Variants in IKZF2 observed in about 807,000 individuals in gnomAD.
IKZF2 encodes the protein zinc finger protein Helios.
Under a neutral mutation model 49.2 loss-of-function variants are expected in IKZF2, and 15 were observed. The ratio of observed to expected loss-of-function variants is 0.30; its 90% CI spans 0.20 to 0.47. The LOEUF is 0.47. IKZF2 is among the 20% of genes least tolerant of loss of function. IKZF2 has a pLI of 1.00. For synonymous variants in IKZF2, 227 were observed against 221.4 expected (o/e 1.03, Z -0.23); for missense variants, 567 against 664.6 (o/e 0.85, Z 1.61).
chr2:213,054,223 G>A (rs1186151885), intron 5 of IKZF2, among the ~76,000 whole-genome samples: 5 of 151,918 alleles, frequency 3.3e-5, no homozygotes, highest in Admixed American at 2.0e-4. Context: ...CAGCCTGGGC[G>A]ACAGAGCAAG....
At chr2:213,079,634 A>C (rs1703713913) in intron 4 of IKZF2, among the ~76,000 whole-genome samples, 1 of 152,194 alleles carries the variant, frequency 6.6e-6, no homozygotes, top group Non-Finnish European at 1.5e-5. Flanking sequence ...GTATACTACC[A>C]AGAGAGAAAG....
At chr2:213,093,393 C>T (rs1382574299) in intron 4 of IKZF2, among the ~76,000 whole-genome samples, 1 of 152,086 alleles carries the variant, frequency 6.6e-6, no homozygotes, top group Admixed American at 6.6e-5. Context: ...TGCTGCGGGG[C>T]CTTTGCACAT....
chr2:213,147,668 A>G, intron 4 of IKZF2, 40 bp downstream of exon 4: 1 of 1,410,194 alleles, frequency 7.1e-7, no homozygotes, highest in Non-Finnish European at 1.0e-6. Context: ...TGCTGGAGAG[A>G]CACACACACA....
intron 4 of IKZF2, among the ~76,000 whole-genome samples, chr2:213,136,623 G>A (rs2060686379): frequency 6.6e-6 from 1 of 151,844 alleles, no homozygotes; most frequent in Non-Finnish European, 1.5e-5. Context: ...TCAGTTTTCT[G>A]GCTCCATACT....
chr2:213,077,710 C>T (rs998079625), intron 4 of IKZF2, among the ~76,000 whole-genome samples: 3 of 151,326 alleles, frequency 2.0e-5, no homozygotes, highest in Non-Finnish European at 4.4e-5. Flanking sequence ...GCCCCAGCCT[C>T]CCAAGTAGCT....
intron 6 of IKZF2, among the ~76,000 whole-genome samples, chr2:213,030,256 C>G (rs968791403): frequency 6.6e-6 from 1 of 151,620 alleles, no homozygotes; most frequent in African/African-American, 2.4e-5. Context: ...TAGAAATATC[C>G]ACACCTACTT....
chr2:213,026,280 C>T (rs1697811988), intron 6 of IKZF2, among the ~76,000 whole-genome samples: 1 of 152,092 alleles, frequency 6.6e-6, no homozygotes, highest in South Asian at 2.1e-4. Flanking sequence ...TCCATTTTAA[C>T]GTGATCTTTC....
intron 6 of IKZF2, among the ~76,000 whole-genome samples, chr2:213,035,714 A>T (rs984029538): frequency 4.6e-5 from 7 of 152,220 alleles, no homozygotes; most frequent in African/African-American, 1.7e-4. Context: ...AAAGTAGTAG[A>T]AGATCAGACA....
chr2:213,077,580 C>CTTTTTTTTTT (rs58528665), intron 4 of IKZF2, among the ~76,000 whole-genome samples: 1 of 59,442 alleles, frequency 1.7e-5, no homozygotes, highest in African/African-American at 6.7e-5. Flanking sequence ...ATTCTATGTA[C>CTTTTTTTTTT]TTTTTTTTTT....
At position 213,008,044 on chromosome 2, in the gene IKZF2, A is replaced by G. The variant is rs139468278; in HGVS notation, c.897T>C (p.Phe299=). ...CCTTCTCATATGTTAAGTTCATATC[A>G]AAGTGAATATCTGGGTAGCTGAATC... The part of the protein sequence containing the change: ...LMRFSYPDIH[F]DMNLTYEKEA... The change falls in exon 9 of 9, where the codon TTT becomes TTC. Residue 299 remains phenylalanine (F), a synonymous_variant. Coordinates refer to ENST00000434687, the MANE Select transcript of IKZF2 (RefSeq NM_001387220.1). 1.1e-5 allele frequency: 18 copies of G among 1,612,142 alleles called. No individual in the cohort carries two copies. In the African/African-American group the frequency reaches 2.3e-4, roughly 20 times the overall value.
At chr2:213,106,532 G>A (rs543837844) in intron 4 of IKZF2, among the ~76,000 whole-genome samples, 43 of 151,684 alleles carry the variant, frequency 2.8e-4, no homozygotes, top group Non-Finnish European at 5.9e-5. Context: ...CTAGTCCAGA[G>A]GCTGAGGTGA....
intron 4 of IKZF2, among the ~76,000 whole-genome samples, chr2:213,076,411 T>C (rs1303765132): frequency 6.6e-6 from 1 of 152,190 alleles, no homozygotes; most frequent in Admixed American, 6.5e-5. Context: ...TAATGTGTAG[T>C]AGGCATAGAA....
intron 4 of IKZF2, among the ~76,000 whole-genome samples, chr2:213,147,070 T>TATTA (rs1334778252): frequency 6.6e-6 from 1 of 152,166 alleles, no homozygotes; most frequent in Non-Finnish European, 1.5e-5. Flanking sequence ...AAACAATGTA[T>TATTA]ATTACATCAG....
chr2:213,117,036 G>A (rs16849761), intron 4 of IKZF2, among the ~76,000 whole-genome samples: 15,811 of 152,034 alleles, frequency 0.1, 1,146 homozygotes, highest in South Asian at 0.36. Context: ...GTAAAATTCC[G>A]TAGGTAAAAA....
chr2:213,145,541 C>T (rs2061026279), intron 4 of IKZF2, among the ~76,000 whole-genome samples: 2 of 151,906 alleles, frequency 1.3e-5, no homozygotes, highest in South Asian at 4.1e-4. Context: ...TCAGAGTGAC[C>T]AATTCTAGGT....
intron 5 of IKZF2, among the ~76,000 whole-genome samples, chr2:213,055,414 T>A (rs1274231734): frequency 1.3e-5 from 2 of 151,984 alleles, no homozygotes; most frequent in Non-Finnish European, 2.9e-5. Flanking sequence ...GTTACACTAG[T>A]AATATAAATA....
intron 4 of IKZF2, among the ~76,000 whole-genome samples, chr2:213,061,335 C>T (rs923507591): frequency 6.6e-6 from 1 of 151,224 alleles, no homozygotes; most frequent in Non-Finnish European, 1.5e-5. Context: ...AAGGCCTTTA[C>T]ACAGGTAAAC....
rs1328808398 is a variant in IKZF2 at position 213,065,962 on chromosome 2, G to C, written c.140-8863C>G. 5.9e-5 allele frequency among the ~76,000 whole-genome samples: 9 copies of C among 152,190 alleles called. No individual in the cohort carries two copies. In the East Asian group the frequency reaches 1.7e-3, roughly 29 times the overall value. ...CTGAGGTAAAGAGAAAGTTGTCTGA[G>C]TAAGCCTGTTTTGGAAGAAGACCAG... On this transcript the variant is annotated intron_variant, in intron 4 of 8. Coordinates refer to ENST00000434687, the MANE Select transcript of IKZF2 (RefSeq NM_001387220.1).
chr2:213,070,790 G>A (rs993490009), intron 4 of IKZF2, among the ~76,000 whole-genome samples: 4 of 152,114 alleles, frequency 2.6e-5, no homozygotes, highest in East Asian at 1.9e-4. Flanking sequence ...GAGAGTCAAC[G>A]ACGGTGTCCA....
Sources: allele counts gnomAD v4.1 joint callset (sites outside exome capture counted in the v4.1 genomes callset), GRCh38; gene constraint gnomAD v4.1.1; transcripts MANE v1.5; gene names NCBI Gene and HGNC (gene_info 2026-07-23, HGNC 2026-07-21).